Variants in DMD observed in about 807,000 individuals in gnomAD.
DMD encodes the protein mutant dystrophin.
A neutral mutation model predicts 330.1 loss-of-function variants in DMD; 63 were observed. That is an observed-to-expected ratio of 0.19 (90% confidence interval 0.16 to 0.24). The LOEUF is 0.24. Ranked by LOEUF, DMD falls within the 10% of genes least tolerant of loss-of-function variation. DMD has a pLI of 1.00. For missense variants in DMD, 3,344 were observed against 2,684.1 expected, an observed-to-expected ratio of 1.25 and a Z score of -5.43; for synonymous variants, 1,223 against 959.8, an observed-to-expected ratio of 1.27 and a Z score of -5.07.
At chrX:32,074,626 T>C (rs1206343552) in intron 44 of DMD, among the ~76,000 whole-genome samples, 1 of 111,865 alleles carries the variant, frequency 8.9e-6, no homozygotes, top group East Asian at 2.8e-4. Flanking sequence ...CTCATTCAGG[T>C]ATGTATTGTC....
intron 21 of DMD, among the ~76,000 whole-genome samples, chrX:32,479,435 C>G (rs1187454151): frequency 9.0e-6 from 1 of 110,853 alleles, no homozygotes; most frequent in African/African-American, 3.3e-5. Flanking sequence ...CTTTCCCAAC[C>G]TTCCTCTTCC....
At chrX:31,303,074 C>T (rs1352729669) in intron 62 of DMD, among the ~76,000 whole-genome samples, 3 of 111,922 alleles carry the variant, frequency 2.7e-5, no homozygotes, top group Non-Finnish European at 3.8e-5. Context: ...TCCCATACTA[C>T]AACTAGTATC....
At chrX:31,470,844 T>C (rs1002118816) in intron 59 of DMD, among the ~76,000 whole-genome samples, 1 of 112,323 alleles carries the variant, frequency 8.9e-6, no homozygotes, top group Non-Finnish European at 1.9e-5. Context: ...AGAGATGCCC[T>C]GCCCAGAGAG....
chrX:32,618,272 C>G (rs1442550269), intron 11 of DMD, among the ~76,000 whole-genome samples: 1 of 112,310 alleles, frequency 8.9e-6, no homozygotes, highest in East Asian at 2.8e-4. Flanking sequence ...AAATGCTTAT[C>G]AGTGGTAAAC....
chrX:33,097,639 TCTCA>T (rs1315435766), intron 1 of DMD, among the ~76,000 whole-genome samples: 2 of 75,691 alleles, frequency 2.6e-5, no homozygotes, highest in African/African-American at 1.1e-4. Flanking sequence ...TGAGACAGAG[TCTCA>T]CTCACTCTGT....
At chrX:31,803,704 CTTTT>C (rs201316189) in intron 50 of DMD, among the ~76,000 whole-genome samples, 11,601 of 89,277 alleles carry the variant, frequency 0.13, 553 homozygotes, top group Admixed American at 0.21. Context: ...CTCTCTCTTT[CTTTT>C]TATTTTTTGA....
chrX:31,572,309 T>G (rs1204763477), intron 55 of DMD, among the ~76,000 whole-genome samples: 1 of 112,222 alleles, frequency 8.9e-6, no homozygotes, highest in Non-Finnish European at 1.9e-5. Context: ...CCATTTCTCT[T>G]AACCAACACA....
chrX:31,280,085 T>C (rs2052499110), intron 62 of DMD, among the ~76,000 whole-genome samples: 1 of 111,917 alleles, frequency 8.9e-6, no homozygotes, highest in South Asian at 3.7e-4. Flanking sequence ...ACTAGGCCTT[T>C]CTCACAAATT....
chrX:31,539,639 G>A (rs2073669200), intron 55 of DMD, among the ~76,000 whole-genome samples: 1 of 111,906 alleles, frequency 8.9e-6, no homozygotes, highest in African/African-American at 3.3e-5. Context: ...TGTCAATCAA[G>A]TTAAGCAATG....
At chrX:32,854,797 A>C (rs150291937) in intron 2 of DMD, among the ~76,000 whole-genome samples, 80 of 111,598 alleles carry the variant, frequency 7.2e-4, no homozygotes, top group Non-Finnish European at 2.1e-4. Flanking sequence ...ACTATTGTGA[A>C]AAAGAGGAGG....
At chrX:31,144,109 C>T (rs1001491369) in intron 76 of DMD, among the ~76,000 whole-genome samples, 1 of 111,808 alleles carries the variant, frequency 8.9e-6, no homozygotes, top group African/African-American at 3.3e-5. Context: ...AAAATCAAAA[C>T]CTGGCTTTCC....
intron 9 of DMD, among the ~76,000 whole-genome samples, chrX:32,663,970 G>C (rs1445213465): frequency 9.0e-6 from 1 of 111,122 alleles, no homozygotes; most frequent in Non-Finnish European, 1.9e-5. Context: ...ATTGTGCATG[G>C]GCTTATAAAA....
chrX:32,408,667 TA>T (rs1194203958), intron 30 of DMD, among the ~76,000 whole-genome samples: 1 of 111,877 alleles, frequency 8.9e-6, no homozygotes, highest in Non-Finnish European at 1.9e-5. Flanking sequence ...CTTAATATGG[TA>T]ACTTCATACA....
At chrX:31,439,076 C>T (rs2064748354) in intron 60 of DMD, among the ~76,000 whole-genome samples, 1 of 111,318 alleles carries the variant, frequency 9.0e-6, no homozygotes, top group African/African-American at 3.3e-5. Context: ...ACCAAGTTTC[C>T]AGTAAGAAAT....
At chrX:32,500,742 A>G (rs112074524) in intron 19 of DMD, among the ~76,000 whole-genome samples, 11 of 111,932 alleles carry the variant, frequency 9.8e-5, no homozygotes, top group Non-Finnish European at 2.1e-4. Context: ...CTCACCTGTT[A>G]TATTTGTTTG....
intron 2 of DMD, among the ~76,000 whole-genome samples, chrX:32,971,666 G>A (rs1602318570): frequency 2.7e-5 from 3 of 109,957 alleles, no homozygotes; most frequent in African/African-American, 9.9e-5. Flanking sequence ...ACATGTTTTC[G>A]GTATGCTTTT....
intron 2 of DMD, among the ~76,000 whole-genome samples, chrX:32,895,844 C>CGTGT (rs5902042): frequency 3.3e-3 from 325 of 99,806 alleles, no homozygotes; most frequent in African/African-American, 8.9e-3. Context: ...TTGGAATGAA[C>CGTGT]GTGTGTGTGT....
At chrX:32,276,718 G>T (rs1290220779) in intron 43 of DMD, among the ~76,000 whole-genome samples, 1 of 110,620 alleles carries the variant, frequency 9.0e-6, no homozygotes, top group African/African-American at 3.3e-5. Flanking sequence ...TCAGGAGTTC[G>T]AGACCAGCCT....
At chrX:31,504,875 T>C (rs2070773282) in intron 56 of DMD, among the ~76,000 whole-genome samples, 1 of 112,245 alleles carries the variant, frequency 8.9e-6, no homozygotes, top group Non-Finnish European at 1.9e-5. Flanking sequence ...TTGATCTGAA[T>C]ATTTAAATTC....
Sources: gnomAD v4.1 joint callset for allele counts (sites outside exome capture counted in the v4.1 genomes callset) on GRCh38, gnomAD v4.1.1 for gene constraint, MANE v1.5 for transcripts, NCBI Gene and HGNC (gene_info 2026-07-23, HGNC 2026-07-21) for gene names.